Variants in MLH3 observed in about 807,000 individuals in gnomAD.
MLH3 encodes DNA mismatch repair protein Mlh3.
A neutral mutation model predicts 122.2 loss-of-function variants in MLH3; 82 were observed. That is an observed-to-expected ratio of 0.67 (90% CI 0.56 to 0.81). The LOEUF (loss-of-function observed/expected upper bound fraction) is 0.81. Ranked by LOEUF, MLH3 falls within the 30% of genes least tolerant of loss-of-function variation. The pLI is 0.00. For missense variants in MLH3, 1,539 were observed against 1,714.5 expected, an observed-to-expected ratio of 0.90 and a Z score of 1.81; for synonymous variants, 524 against 599.5, an observed-to-expected ratio of 0.87 and a Z score of 1.84.
intron 9 of MLH3, among the ~76,000 whole-genome samples, chr14:75,028,006 C>A (rs1283381397): frequency 1.4e-5 from 2 of 146,372 alleles, no homozygotes; most frequent in African/African-American, 5.0e-5. Context: ...TATATAACTT[C>A]TAAACGAGTA....
intron 12 of MLH3, 27 bp from the exon 13 acceptor site, chr14:75,017,228 T>G: frequency 6.2e-7 from 1 of 1,611,122 alleles, no homozygotes; most frequent in Non-Finnish European, 8.5e-7. Flanking sequence ...TAACTTCAAT[T>G]AGCAATATGA....
At position 75,032,182 on chromosome 14, in the gene MLH3, A is replaced by G; in HGVS notation, c.3716-3T>C. ...TGCCTGTTGCTTCTCGTAGGAATCT[A>G]TTGGCAGAAAGATGAATGGGTTAAG... On this transcript the variant is annotated splice_region_variant and splice_polypyrimidine_tract_variant and intron_variant, in intron 7 of 12. Coordinates refer to ENST00000355774, the MANE Select transcript of MLH3 (RefSeq NM_001040108.2). 1 of 1,582,346 alleles carries G rather than the reference A, an allele frequency of 6.3e-7. No homozygotes were observed. The highest frequency in any genetic ancestry group is 8.7e-7 in the Non-Finnish European group (1 of 1,150,974).
intron 9 of MLH3, among the ~76,000 whole-genome samples, chr14:75,029,622 G>A (rs990914294): frequency 6.6e-6 from 1 of 151,260 alleles, no homozygotes. Context: ...TGCAACCTCC[G>A]CCTCCCAGGT....
In MLH3 at chr14:75,016,596, TAGG is replaced by T; in HGVS notation, c.*483_*485del. ...AGATGTAGCACATGAAGCAGCAGCATAGGGAAGTGAAGAAGACTGAAGGGAAAA... is the reference window on the plus strand; with the variant it reads ...AGATGTAGCACATGAAGCAGCAGCATGAAGTGAAGAAGACTGAAGGGAAAA... On this transcript the variant is annotated 3_prime_UTR_variant, in exon 13 of 13. Transcript: ENST00000355774. The T allele has an allele frequency of 4.2e-6, 1 of 237,238 alleles. No individual in the cohort carries two copies. Among genetic ancestry groups the T allele is most frequent in the African/African-American group, 2.3e-5 (1 of 44,144 alleles). The allele number at this position is 237,238 out of a possible 1,614,324, so 14.7% of individuals were successfully genotyped here. A position where few individuals can be genotyped will look rare whatever the true frequency, so the allele number is the denominator to read the frequency against.
rs376297115 is a variant in MLH3, at chr14:75,046,737, G to A, written c.2919C>T (p.Pro973=). The part of the protein sequence containing the change: ...CVISETPLVL[P]YNNSKVTGKD... ...TACCGGTAACTTTAGAATTATTATA[G>A]GGCAATACCAAAGGAGTTTCTGATA... Residue 973 remains proline, a synonymous_variant, in exon 2 of 13, where the codon CCC becomes CCT. Transcript: ENST00000355774. 7 of 1,614,076 alleles carry A rather than the reference G, an allele frequency of 4.3e-6. No individual in the cohort carries two copies. The highest frequency in any genetic ancestry group is 5.9e-6 in the Non-Finnish European group (7 of 1,180,006).
At chr14:75,034,678 T>C (rs1891271680) in intron 6 of MLH3, among the ~76,000 whole-genome samples, 4 of 151,938 alleles carry the variant, frequency 2.6e-5, no homozygotes, top group Admixed American at 2.6e-4. Context: ...CAGAAAGAGG[T>C]GATGCCCAGA....
rs201753695 is a variant in MLH3 at position 75,017,065 on chromosome 14, G to C, written c.*17C>G. ...AGTGAACATCCCTTTGTTCCTTTTA[G>C]ACCAGTGATTCTGTTCTCATGGTGG... On this transcript the variant is annotated 3_prime_UTR_variant, in exon 13 of 13. Coordinates refer to ENST00000355774, the MANE Select transcript of MLH3 (RefSeq NM_001040108.2). The C allele has an allele frequency of 1.2e-6, 2 of 1,613,144 alleles. No homozygotes were observed. Among genetic ancestry groups the C allele is most frequent in the East Asian group, 4.5e-5 (2 of 44,836 alleles).
chr14:75,036,887 T>C (rs1193390080), intron 6 of MLH3: 1 of 403,426 alleles, frequency 2.5e-6, no homozygotes, highest in Non-Finnish European at 5.0e-6. Flanking sequence ...TCTAACCATG[T>C]CTCAGATATT....
At chr14:75,046,318 C>A (rs1482027660) in intron 2 of MLH3, 58 bp downstream of exon 2, 11 of 1,549,166 alleles carry the variant, frequency 7.1e-6, no homozygotes, top group Non-Finnish European at 8.9e-6. Flanking sequence ...GATCTTACTC[C>A]TTGTCCAGCA....
At chr14:75,030,845 T>A in intron 8 of MLH3, 143 bp from the exon 9 acceptor site, 1 of 685,964 alleles carries the variant, frequency 1.5e-6, no homozygotes, top group Non-Finnish European at 2.5e-6. Context: ...CACTTATGTG[T>A]GGGTGTTTGG....
chr14:75,016,593 GC>G lies in MLH3; in HGVS notation c.*488del. On this transcript the variant is annotated 3_prime_UTR_variant, in exon 13 of 13. Transcript: ENST00000355774. ...CTGAGATGTAGCACATGAAGCAGCA[GC>G]ATAGGGAAGTGAAGAAGACTGAAGG... is the stretch of plus-strand genomic sequence containing the variant. 4.2e-6 allele frequency: 1 copy of G among 237,110 alleles called. No homozygotes were observed. The highest frequency in any genetic ancestry group is 2.3e-5 in the African/African-American group (1 of 44,248). 14.7% of individuals were successfully genotyped at this position (237,110 alleles called of 1,614,324 possible). A position where few individuals can be genotyped will look rare whatever the true frequency, so the allele number is the denominator to read the frequency against.
rs1891102825 is a variant in MLH3, at chr14:75,032,290, A to G, written c.3716-111T>C. Reference sequence around the variant, plus strand: ...CATTCTAATGCAAAGCAGAATGTTTAATGTTCAGTTTTAGATTTTGGATTT... The same window carrying G: ...CATTCTAATGCAAAGCAGAATGTTTGATGTTCAGTTTTAGATTTTGGATTT... On this transcript the variant is annotated intron_variant, in intron 7 of 12. Transcript: ENST00000355774. The G allele has an allele frequency of 4.0e-6, 3 of 745,834 alleles. No homozygotes were observed. In the Admixed American group the frequency reaches 5.9e-5, roughly 15 times the overall value. 46.2% of individuals were successfully genotyped at this position (745,834 alleles called of 1,614,324 possible). A position where few individuals can be genotyped will look rare whatever the true frequency, so the allele number is the denominator to read the frequency against.
intron 2 of MLH3, among the ~76,000 whole-genome samples, chr14:75,042,779 C>CTT (rs923247988): frequency 4.2e-5 from 6 of 142,424 alleles, no homozygotes; most frequent in Admixed American, 7.0e-5. Flanking sequence ...TCTTGAGACC[C>CTT]TTTTTTTTTT....
Position 75,046,716 on chromosome 14 carries a change from G to T in MLH3, c.2940C>A (p.Thr980=), listed in dbSNP as rs750994816. Residue 980 remains threonine (T), a synonymous_variant, in exon 2 of 13, where the codon ACC becomes ACA. Coordinates refer to ENST00000355774, the MANE Select transcript of MLH3 (RefSeq NM_001040108.2). ...LVLPYNNSKV[T]GKDSDVLIRA... is the part of the protein sequence containing the mutation. ...TGATAAGAACATCTGAATCTTTACC[G>T]GTAACTTTAGAATTATTATAGGGCA... The T allele has an allele frequency of 6.2e-7, 1 of 1,614,028 alleles. No homozygotes were observed. The highest frequency in any genetic ancestry group is 8.5e-7 in the Non-Finnish European group (1 of 1,179,950).
In MLH3 at chr14:75,038,369, C is replaced by A. The variant is rs1891565286; in HGVS notation, c.3614G>T (p.Ser1205Ile). The A allele has an allele frequency of 1.2e-6, 2 of 1,613,752 alleles. No individual in the cohort carries two copies. Among genetic ancestry groups the A allele is most frequent in the Non-Finnish European group, 1.7e-6 (2 of 1,179,836 alleles). Residue 1205 changes from serine to isoleucine, a missense_variant, in exon 6 of 13, where the codon AGC becomes ATC. Coordinates refer to ENST00000355774, the MANE Select transcript of MLH3 (RefSeq NM_001040108.2). ...VDNKFIACLM[S>I]TKTEENGEAG... Reference sequence around the variant, plus strand: ...CTCGCCATTCTCTTCAGTCTTAGTGCTCATCAAACAGGCAATAAACTTGTT... The same window carrying A: ...CTCGCCATTCTCTTCAGTCTTAGTGATCATCAAACAGGCAATAAACTTGTT...
At chr14:75,037,211 A>G (rs1045132216) in intron 6 of MLH3, among the ~76,000 whole-genome samples, 1 of 152,120 alleles carries the variant, frequency 6.6e-6, no homozygotes, top group Non-Finnish European at 1.5e-5. Flanking sequence ...CACAAATTGC[A>G]TGGTTGTTCC....
rs1449818415 is a variant in MLH3, at chr14:75,032,103, C to T, written c.3792G>A (p.Glu1264=). 1 of 1,613,568 alleles carries T rather than the reference C, an allele frequency of 6.2e-7. No homozygotes were observed. Residue 1264 remains glutamate (E), a synonymous_variant, in exon 8 of 13, where the codon GAG becomes GAA. Coordinates refer to ENST00000355774, the MANE Select transcript of MLH3 (RefSeq NM_001040108.2). The part of the protein sequence containing the change: ...LLSSTLIPPL[E]ITVTEEQRRL... ...TCCTTTGTTCCTCTGTCACTGTTATCTCTAGCGGAGGAATTAGAGTAGAAG... is the reference window on the plus strand; with the variant it reads ...TCCTTTGTTCCTCTGTCACTGTTATTTCTAGCGGAGGAATTAGAGTAGAAG...
In MLH3 at chr14:75,046,827, C is replaced by T; in HGVS notation, c.2829G>A (p.Gln943=). ...GVIPTSDSAT[Q]DNSFNKNSKT... ...TACTATTTTTATTAAAGGAATTATC[C>T]TGTGTGGCAGAATCTGATGTTGGGA... The change falls in exon 2 of 13, where the codon CAG becomes CAA. Residue 943 remains glutamine, a synonymous_variant. Transcript: ENST00000355774. 1 of 1,614,066 alleles carries T rather than the reference C, an allele frequency of 6.2e-7. No homozygotes were observed. Among genetic ancestry groups the T allele is most frequent in the East Asian group, 2.2e-5 (1 of 44,874 alleles).
Position 75,048,994 on chromosome 14 carries a change from T to G in MLH3, c.662A>C (p.Gln221Pro). ...TTTAAAACTTATTTCTCTTAGCTTT[T>G]GGGACTTTCCCAATCCATAAATTTG... ...FCQIYGLGKS[Q>P]KLREISFKYK... The change falls in exon 2 of 13, where the codon CAA becomes CCA. Residue 221 changes from glutamine to proline, a missense_variant. Coordinates refer to ENST00000355774, the MANE Select transcript of MLH3 (RefSeq NM_001040108.2). The G allele has an allele frequency of 6.2e-7, 1 of 1,614,126 alleles. No individual in the cohort carries two copies. Among genetic ancestry groups the G allele is most frequent in the Non-Finnish European group, 8.5e-7 (1 of 1,180,012 alleles).
Sources: gnomAD v4.1 joint callset for allele counts (sites outside exome capture counted in the v4.1 genomes callset) on GRCh38, gnomAD v4.1.1 for gene constraint, MANE v1.5 for transcripts, NCBI Gene and HGNC (gene_info 2026-07-23, HGNC 2026-07-21) for gene names.